RAB3GAP2: variants seen among roughly 807,000 people sequenced by gnomAD.
RAB3GAP2 encodes rab3 GTPase-activating protein non-catalytic subunit.
Under a neutral mutation model 185.3 loss-of-function variants are expected in RAB3GAP2, and 87 were observed. That is an observed-to-expected ratio of 0.47 (90% confidence interval 0.39 to 0.56). RAB3GAP2 has a LOEUF of 0.56. Ranked by LOEUF, RAB3GAP2 falls within the 20% of genes least tolerant of loss-of-function variation. RAB3GAP2 has a pLI of 0.00. For missense variants in RAB3GAP2, 1,492 were observed against 1,638.2 expected, an observed-to-expected ratio of 0.91 and a Z score of 1.54; for synonymous variants, 554 against 576.1, an observed-to-expected ratio of 0.96 and a Z score of 0.55.
At chr1:220,189,186 T>TTA (rs537315862) in intron 17 of RAB3GAP2, among the ~76,000 whole-genome samples, 1 of 151,778 alleles carries the variant, frequency 6.6e-6, no homozygotes, top group East Asian at 1.9e-4. Flanking sequence ...ATTTACTATT[T>TTA]TATATATATA....
At chr1:220,174,003 G>C (rs1206635444) in intron 21 of RAB3GAP2, among the ~76,000 whole-genome samples, 1 of 134,546 alleles carries the variant, frequency 7.4e-6, no homozygotes, top group African/African-American at 2.8e-5. Context: ...CTGGGCTACA[G>C]AGCGAGACTC....
rs529762651 is a variant in RAB3GAP2, at chr1:220,267,755, C to A, written c.115+4468G>T. ...TTTGTGCTTGCAAAGGAACACGCTG[C>A]GAAGAATTTGAAGGACACAAGACCC... On this transcript the variant is annotated intron_variant, in intron 1 of 34. Coordinates refer to ENST00000358951, the MANE Select transcript of RAB3GAP2 (RefSeq NM_012414.4). 6 of 1,543,764 alleles carry A rather than the reference C, an allele frequency of 3.9e-6. No homozygotes were observed. The Admixed American group carries it at 5.0e-5, about 13-fold the overall frequency.
At position 220,151,079 on chromosome 1, in the gene RAB3GAP2, G is replaced by C. The variant is rs1657743144; in HGVS notation, c.*172C>G. On this transcript the variant is annotated 3_prime_UTR_variant, in exon 35 of 35. Coordinates refer to ENST00000358951, the MANE Select transcript of RAB3GAP2 (RefSeq NM_012414.4). ...TATCTTCAGTATTAACCAAAGGAGT[G>C]GAATTTAGCCAGGGTTGCACTTTTT... is the stretch of plus-strand genomic sequence containing the variant. The C allele has an allele frequency of 8.0e-6, 5 of 627,044 alleles. No individual in the cohort carries two copies. The highest frequency in any genetic ancestry group is 1.4e-5 in the Non-Finnish European group (5 of 368,168). The allele number at this position is 627,044 out of a possible 1,614,324, so 38.8% of individuals were successfully genotyped here.
At chr1:220,271,042 G>A (rs1379114006) in intron 1 of RAB3GAP2, 1 of 152,156 alleles carries the variant, frequency 6.6e-6, no homozygotes, top group African/African-American at 2.4e-5. Flanking sequence ...GTACTTCAAA[G>A]GTAGGCTTAA....
At chr1:220,181,407 G>C (rs1385885649) in intron 21 of RAB3GAP2, among the ~76,000 whole-genome samples, 1 of 152,196 alleles carries the variant, frequency 6.6e-6, no homozygotes, top group Non-Finnish European at 1.5e-5. Context: ...ATGCATGCAT[G>C]TGTAGGGGAT....
intron 4 of RAB3GAP2, among the ~76,000 whole-genome samples, chr1:220,212,623 A>G (rs749462547): frequency 1.3e-5 from 2 of 152,094 alleles, no homozygotes; most frequent in Non-Finnish European, 2.9e-5. Context: ...CCTCCCGAGT[A>G]GCTGGGACTA....
intron 9 of RAB3GAP2, 44 bp from the exon 10 acceptor site, chr1:220,196,442 G>A (rs376304320): frequency 6.8e-5 from 103 of 1,519,462 alleles, no homozygotes; most frequent in African/African-American, 9.7e-5. Context: ...ATGTTATTGC[G>A]GTCATTACAT....
intron 12 of RAB3GAP2, 41 bp downstream of exon 12, chr1:220,195,037 T>G (rs745787614): frequency 1.9e-6 from 3 of 1,573,430 alleles, no homozygotes; most frequent in South Asian, 2.2e-5. Flanking sequence ...TAACAGTACC[T>G]TTCTAAAAGG....
chr1:220,171,910 T>C lies in RAB3GAP2; in HGVS notation c.2556A>G (p.Ser852=), dbSNP rs761315714. 3.7e-6 allele frequency: 6 copies of C among 1,614,080 alleles called. No homozygotes were observed. In the African/African-American group the frequency reaches 8.0e-5, roughly 22 times the overall value. The change falls in exon 23 of 35, where the codon TCA becomes TCG. Residue 852 remains serine, a synonymous_variant. Coordinates refer to ENST00000358951, the MANE Select transcript of RAB3GAP2 (RefSeq NM_012414.4). ...TTACTTTTTTCTCTGTCATGTTGTT[T>C]GATATCTGTGCAGCAACAGAATGCC... The part of the protein sequence containing the change: ...HVGHSVAAQI[S]NNMTEKKFSQ...
chr1:220,195,255 G>T, intron 11 of RAB3GAP2, 43 bp downstream of exon 11: 2 of 1,587,346 alleles, frequency 1.3e-6, no homozygotes, highest in Non-Finnish European at 1.7e-6. Flanking sequence ...AAGCAAGCTA[G>T]ATACAAATGA....
At chr1:220,176,645 C>T (rs942291220) in intron 21 of RAB3GAP2, among the ~76,000 whole-genome samples, 2 of 152,190 alleles carry the variant, frequency 1.3e-5, no homozygotes, top group African/African-American at 4.8e-5. Flanking sequence ...GCTGAGGTCC[C>T]AGCTCAGAGT....
intron 4 of RAB3GAP2, 32 bp from the exon 5 acceptor site, chr1:220,211,034 C>T (rs376755159): frequency 6.3e-7 from 1 of 1,594,926 alleles, no homozygotes; most frequent in Non-Finnish European, 8.6e-7. Context: ...TATGCTTACC[C>T]ACTGAACTTA....
At chr1:220,210,711 A>T (rs1235446661) in intron 6 of RAB3GAP2, 90 bp downstream of exon 6, 1 of 1,323,142 alleles carries the variant, frequency 7.6e-7, no homozygotes, top group African/African-American at 1.5e-5. Flanking sequence ...TTCAGGCAGC[A>T]GGTAATAAAG....
At chr1:220,254,361 G>C in intron 1 of RAB3GAP2, 1 of 1,613,414 alleles carries the variant, frequency 6.2e-7, no homozygotes, top group Non-Finnish European at 8.5e-7. Flanking sequence ...CACATCTCCT[G>C]AGATTATTTG....
At chr1:220,226,009 C>T (rs1031791844) in intron 2 of RAB3GAP2, among the ~76,000 whole-genome samples, 1 of 152,200 alleles carries the variant, frequency 6.6e-6, no homozygotes, top group East Asian at 1.9e-4. Context: ...TGTTAATCTG[C>T]TAAATCATAA....
At chr1:220,260,020 A>C (rs146253112) in intron 1 of RAB3GAP2, among the ~76,000 whole-genome samples, 14 of 152,358 alleles carry the variant, frequency 9.2e-5, no homozygotes, top group Non-Finnish European at 1.5e-4. Flanking sequence ...ACAGAAATGC[A>C]AATCAAAACC....
At chr1:220,191,991 C>T (rs1032743823) in intron 13 of RAB3GAP2, among the ~76,000 whole-genome samples, 1 of 152,050 alleles carries the variant, frequency 6.6e-6, no homozygotes, top group Admixed American at 6.6e-5. Flanking sequence ...ATGCTATTTT[C>T]CATTTTAGGG....
chr1:220,177,735 CTATT>C (rs1373041605), intron 21 of RAB3GAP2, among the ~76,000 whole-genome samples: 6 of 151,966 alleles, frequency 3.9e-5, no homozygotes, highest in African/African-American at 1.5e-4. Context: ...CGTTGATAGA[CTATT>C]TAAAAATACA....
At chr1:220,266,557 T>C in intron 1 of RAB3GAP2, 1 of 737,558 alleles carries the variant, frequency 1.4e-6, no homozygotes, top group Non-Finnish European at 2.3e-6. Context: ...AGTAGGGAGG[T>C]TAAGGCACAC....
Sources: gnomAD v4.1 joint callset for allele counts (sites outside exome capture counted in the v4.1 genomes callset) on GRCh38, gnomAD v4.1.1 for gene constraint, MANE v1.5 for transcripts, NCBI Gene and HGNC (gene_info 2026-07-23, HGNC 2026-07-21) for gene names.